The following PXDNL variants were observed in gnomAD, a reference collection of about 807,000 sequenced individuals.
The protein encoded by PXDNL is probable oxidoreductase PXDNL.
Under a neutral mutation model 150.8 loss-of-function variants are expected in PXDNL, and 145 were observed. The observed-to-expected ratio is 0.96, with a 90% confidence interval of 0.84 to 1.10. The LOEUF is 1.10. Ranked by LOEUF, PXDNL falls within the 50% of genes least tolerant of loss-of-function variation. PXDNL has a pLI of 0.00. For missense variants in PXDNL, 2,087 were observed against 1,873.9 expected (o/e 1.11, Z -2.10); for synonymous variants, 757 against 725.7 (o/e 1.04, Z -0.69).
intron 1 of PXDNL, among the ~76,000 whole-genome samples, chr8:51,725,852 A>G (rs891439352): frequency 2.0e-5 from 3 of 152,256 alleles, no homozygotes; most frequent in African/African-American, 7.2e-5. Flanking sequence ...GTCATCTTAC[A>G]TGTGTAAGCT....
intron 2 of PXDNL, among the ~76,000 whole-genome samples, chr8:51,628,569 C>G (rs1322710371): frequency 6.6e-6 from 1 of 151,522 alleles, no homozygotes; most frequent in African/African-American, 2.4e-5. Flanking sequence ...CCACACCCAG[C>G]TAATTTTTAT....
chr8:51,509,741 T>TATAC (rs536341095), intron 4 of PXDNL, among the ~76,000 whole-genome samples: 1 of 143,248 alleles, frequency 7.0e-6, no homozygotes, highest in Non-Finnish European at 1.5e-5. Flanking sequence ...TATACATATA[T>TATAC]ACACACACAC....
chr8:51,783,871 T>C (rs2037437441), intron 1 of PXDNL, among the ~76,000 whole-genome samples: 1 of 152,196 alleles, frequency 6.6e-6, no homozygotes. Flanking sequence ...AAAATGGAAC[T>C]AAACATTTCA....
At chr8:51,779,271 G>A (rs2037387036) in intron 1 of PXDNL, among the ~76,000 whole-genome samples, 1 of 152,178 alleles carries the variant, frequency 6.6e-6, no homozygotes, top group South Asian at 2.1e-4. Flanking sequence ...TGTCCTCTAG[G>A]CCAAGGCTGT....
At chr8:51,670,501 G>A (rs570832327) in intron 1 of PXDNL, among the ~76,000 whole-genome samples, 1 of 152,026 alleles carries the variant, frequency 6.6e-6, no homozygotes, top group African/African-American at 2.4e-5. Flanking sequence ...ACTGAATATT[G>A]TAGGCAATTG....
At chr8:51,560,377 T>C (rs1221946925) in intron 3 of PXDNL, among the ~76,000 whole-genome samples, 2 of 151,964 alleles carry the variant, frequency 1.3e-5, no homozygotes, top group East Asian at 3.9e-4. Flanking sequence ...TGAGAAAGAA[T>C]AACATAGTTG....
At chr8:51,767,203 T>C (rs2037241086) in intron 1 of PXDNL, among the ~76,000 whole-genome samples, 1 of 152,042 alleles carries the variant, frequency 6.6e-6, no homozygotes, top group Non-Finnish European at 1.5e-5. Context: ...ACTTTTCCTA[T>C]GCTTGAGCTA....
intron 2 of PXDNL, among the ~76,000 whole-genome samples, chr8:51,617,742 G>A (rs556052871): frequency 1.3e-5 from 2 of 152,292 alleles, no homozygotes; most frequent in Non-Finnish European, 2.9e-5. Context: ...TTAAAAAAGT[G>A]AAACAAGCAC....
intron 1 of PXDNL, among the ~76,000 whole-genome samples, chr8:51,749,859 C>A (rs139318915): frequency 0.024 from 3,719 of 152,152 alleles, 153 homozygotes; most frequent in African/African-American, 0.084. Flanking sequence ...TACCACCATG[C>A]CCAGCTAATT....
chr8:51,766,682 T>G (rs1469736640), intron 1 of PXDNL, among the ~76,000 whole-genome samples: 1 of 152,160 alleles, frequency 6.6e-6, no homozygotes, highest in East Asian at 1.9e-4. Flanking sequence ...CCATGGTTTA[T>G]AATGAGAAAT....
chr8:51,380,744 T>C (rs1807505923), intron 17 of PXDNL, among the ~76,000 whole-genome samples: 1 of 152,238 alleles, frequency 6.6e-6, no homozygotes, highest in East Asian at 1.9e-4. Context: ...GGAATGCTTC[T>C]AACAATTAAT....
chr8:51,359,542 T>A (rs1806645272), intron 19 of PXDNL, among the ~76,000 whole-genome samples: 1 of 136,852 alleles, frequency 7.3e-6, no homozygotes, highest in Non-Finnish European at 1.6e-5. Context: ...AATGCTCAAA[T>A]AAAGAACGTT....
intron 3 of PXDNL, among the ~76,000 whole-genome samples, chr8:51,579,074 A>T (rs1813150829): frequency 1.3e-5 from 2 of 152,084 alleles, no homozygotes; most frequent in African/African-American, 4.8e-5. Flanking sequence ...CTTGACACCA[A>T]AGGTGTAACC....
At chr8:51,640,598 T>C (rs912419030) in intron 2 of PXDNL, among the ~76,000 whole-genome samples, 4 of 152,136 alleles carry the variant, frequency 2.6e-5, no homozygotes, top group Non-Finnish European at 5.9e-5. Context: ...TGAACTCCCA[T>C]TCACAATTGC....
At chr8:51,611,460 A>G (rs910276311) in intron 2 of PXDNL, among the ~76,000 whole-genome samples, 2 of 152,234 alleles carry the variant, frequency 1.3e-5, no homozygotes, top group Non-Finnish European at 2.9e-5. Flanking sequence ...ATGTTTAAAT[A>G]TAGTGATTAA....
At chr8:51,805,478 A>G (rs2037666715) in intron 1 of PXDNL, among the ~76,000 whole-genome samples, 3 of 148,954 alleles carry the variant, frequency 2.0e-5, no homozygotes, top group African/African-American at 7.3e-5. Flanking sequence ...TATATATAAA[A>G]TGAATGGAAA....
intron 1 of PXDNL, among the ~76,000 whole-genome samples, chr8:51,691,699 G>A (rs536610075): frequency 1.3e-5 from 2 of 152,180 alleles, no homozygotes; most frequent in South Asian, 4.1e-4. Flanking sequence ...ACAATGCCAA[G>A]ACAATCCCTC....
At chr8:51,640,898 T>A (rs1448009961) in intron 2 of PXDNL, among the ~76,000 whole-genome samples, 2 of 152,042 alleles carry the variant, frequency 1.3e-5, no homozygotes, top group Admixed American at 6.5e-5. Flanking sequence ...CATCGCCAAG[T>A]CAATCCTAAG....
At chr8:51,387,163 T>C (rs1003826297) in intron 17 of PXDNL, among the ~76,000 whole-genome samples, 4 of 151,516 alleles carry the variant, frequency 2.6e-5, no homozygotes, top group African/African-American at 9.8e-5. Flanking sequence ...GATCTCATAA[T>C]TACCACCCAC....
Sources: allele counts gnomAD v4.1 joint callset (sites outside exome capture counted in the v4.1 genomes callset), GRCh38; gene constraint gnomAD v4.1.1; transcripts MANE v1.5; gene names NCBI Gene and HGNC (gene_info 2026-07-23, HGNC 2026-07-21).